Variants in WDPCP observed in about 807,000 individuals in gnomAD.
WDPCP encodes the protein WD repeat containing planar cell polarity effector.
WDPCP carries 71 observed loss-of-function variants against 93.1 expected under a neutral mutation model. That is an observed-to-expected ratio of 0.76 (90% CI 0.63 to 0.93). The LOEUF (loss-of-function observed/expected upper bound fraction) is 0.93. Among genes scored for constraint, WDPCP ranks in the 40% least tolerant of loss-of-function variants. The probability of loss-of-function intolerance (pLI) is 0.00; values close to 1 mark genes in which losing one functional copy is unlikely to be tolerated. For synonymous variants in WDPCP, 315 were observed against 315.0 expected (o/e 1.00, Z 0.00); for missense variants, 844 against 887.4 (o/e 0.95, Z 0.62).
At chr2:63,710,198 C>T (rs755645860) in intron 2 of WDPCP, among the ~76,000 whole-genome samples, 5 of 152,072 alleles carry the variant, frequency 3.3e-5, no homozygotes, top group South Asian at 4.2e-4. Context: ...AGTGGGGTGG[C>T]GATGAGCAGC....
At chr2:63,251,941 C>G (rs1457104074) in intron 14 of WDPCP, among the ~76,000 whole-genome samples, 1 of 151,654 alleles carries the variant, frequency 6.6e-6, no homozygotes, top group Non-Finnish European at 1.5e-5. Flanking sequence ...TTCTATGAAG[C>G]CAGAACCACC....
At chr2:63,810,161 C>G (rs1288990490) in intron 2 of WDPCP, among the ~76,000 whole-genome samples, 1 of 152,138 alleles carries the variant, frequency 6.6e-6, no homozygotes, top group East Asian at 1.9e-4. Flanking sequence ...CACTGGGCAT[C>G]CTAATTAGAG....
At chr2:63,643,423 T>C in intron 3 of WDPCP, 1 of 314,860 alleles carries the variant, frequency 3.2e-6, no homozygotes, top group Non-Finnish European at 6.2e-6. Context: ...GCCACTGGCA[T>C]CTTTCACATG....
At chr2:63,269,970 A>G (rs1029532186) in intron 13 of WDPCP, among the ~76,000 whole-genome samples, 2 of 152,222 alleles carry the variant, frequency 1.3e-5, no homozygotes, top group Admixed American at 1.3e-4. Flanking sequence ...AAATCTGATC[A>G]ATAAGCAGCT....
At chr2:63,444,916 A>G (rs1697747767) in intron 6 of WDPCP, among the ~76,000 whole-genome samples, 1 of 152,162 alleles carries the variant, frequency 6.6e-6, no homozygotes, top group South Asian at 2.1e-4. Flanking sequence ...TTTTCTTCAA[A>G]TAAGCTCATA....
chr2:63,782,740 ATGTGTGTGTGTG>A (rs70965143), intron 2 of WDPCP, among the ~76,000 whole-genome samples: 166 of 141,242 alleles, frequency 1.2e-3, no homozygotes, highest in African/African-American at 4.0e-3. Context: ...CACAGGCAAC[ATGTGTGTGTGTG>A]TGTGTGTGTG....
chr2:63,480,584 T>C (rs1217690937), intron 6 of WDPCP, among the ~76,000 whole-genome samples: 1 of 151,922 alleles, frequency 6.6e-6, no homozygotes, highest in Non-Finnish European at 1.5e-5. Context: ...TAAACCCAAA[T>C]ACTTACAGCC....
chr2:63,389,841 GCTAA>G (rs1693069001), intron 10 of WDPCP, among the ~76,000 whole-genome samples: 1 of 152,126 alleles, frequency 6.6e-6, no homozygotes, highest in Non-Finnish European at 1.5e-5. Flanking sequence ...AACAAGAAGA[GCTAA>G]CTATCCTAAA....
At chr2:63,412,079 A>G (rs1405147920) in intron 9 of WDPCP, among the ~76,000 whole-genome samples, 1 of 152,134 alleles carries the variant, frequency 6.6e-6, no homozygotes, top group Admixed American at 6.5e-5. Flanking sequence ...ATAACCAAAA[A>G]AGAAAACTAC....
intron 2 of WDPCP, among the ~76,000 whole-genome samples, chr2:63,723,094 G>C (rs553082501): frequency 1.7e-4 from 26 of 151,922 alleles, no homozygotes; most frequent in Admixed American, 1.6e-3. Context: ...CAGCATGCTC[G>C]TTAAGAGTCA....
Position 63,230,189 on chromosome 2 carries a change from G to C in WDPCP, c.1915+29118C>G, listed in dbSNP as rs560015573. On this transcript the variant is annotated intron_variant, in intron 14 of 17. Coordinates refer to ENST00000272321, the MANE Select transcript of WDPCP (RefSeq NM_015910.7). ...TTATGAGTGAGAACATGCAGTGTTT[G>C]GTTTTCTGTCCTTGTGATAGTTTGC... 4.1e-4 allele frequency among the ~76,000 whole-genome samples: 61 copies of C among 149,936 alleles called. No homozygotes were observed. In the South Asian group the frequency reaches 6.1e-3, roughly 15 times the overall value.
intron 2 of WDPCP, among the ~76,000 whole-genome samples, chr2:63,719,520 T>C (rs1227997528): frequency 2.0e-5 from 3 of 152,132 alleles, no homozygotes; most frequent in African/African-American, 7.2e-5. Flanking sequence ...TGGTGAGAAA[T>C]TTTAACATCA....
intron 2 of WDPCP, among the ~76,000 whole-genome samples, chr2:63,744,051 G>A (rs920236462): frequency 1.3e-5 from 2 of 152,216 alleles, no homozygotes; most frequent in Admixed American, 6.5e-5. Context: ...AAGGGTGGGG[G>A]TGTGGAGGGA....
intron 13 of WDPCP, among the ~76,000 whole-genome samples, chr2:63,268,189 G>A (rs1682315572): frequency 6.6e-6 from 1 of 152,164 alleles, no homozygotes. Context: ...GATGGAACTA[G>A]AGGACATTAT....
At chr2:63,152,411 A>G (rs1671948433) in intron 17 of WDPCP, among the ~76,000 whole-genome samples, 1 of 151,682 alleles carries the variant, frequency 6.6e-6, no homozygotes, top group Admixed American at 6.6e-5. Context: ...AGCAGCTGGG[A>G]TTACAGGTGC....
chr2:63,614,484 C>T (rs1474465403), intron 3 of WDPCP, among the ~76,000 whole-genome samples: 2 of 152,212 alleles, frequency 1.3e-5, no homozygotes, highest in African/African-American at 2.4e-5. Context: ...CAGAACACAA[C>T]AGCCCAAGGT....
chr2:63,426,865 C>G (rs1234055250), intron 9 of WDPCP, among the ~76,000 whole-genome samples: 1 of 152,034 alleles, frequency 6.6e-6, no homozygotes, highest in African/African-American at 2.4e-5. Context: ...GGAGAAAGAT[C>G]TATGAAAGGG....
chr2:63,589,285 G>A (rs1709098518), upstream of WDPCP: 3 of 1,550,804 alleles, frequency 1.9e-6, no homozygotes, highest in African/African-American at 2.7e-5. Flanking sequence ...AGTTGTCCTG[G>A]GAGAGGAGCG....
chr2:63,699,527 G>A (rs1247028277), intron 2 of WDPCP, among the ~76,000 whole-genome samples: 1 of 152,178 alleles, frequency 6.6e-6, no homozygotes, highest in Non-Finnish European at 1.5e-5. Context: ...TTTTTGAGGC[G>A]CTGGCCTTTG....
Sources: allele counts gnomAD v4.1 joint callset (sites outside exome capture counted in the v4.1 genomes callset), GRCh38; gene constraint gnomAD v4.1.1; transcripts MANE v1.5; gene names NCBI Gene and HGNC (gene_info 2026-07-23, HGNC 2026-07-21).